Variants in SBF2 observed in about 807,000 individuals in gnomAD.
The protein encoded by SBF2 is myotubularin-related protein 13.
SBF2 carries 112 observed loss-of-function variants against 225.2 expected under a neutral mutation model. The observed-to-expected ratio is 0.50, with a 90% CI of 0.43 to 0.58. The LOEUF (loss-of-function observed/expected upper bound fraction) is 0.58, where lower values mean the gene tolerates loss of function less well. Among genes scored for constraint, SBF2 ranks in the 20% least tolerant of loss-of-function variants. The pLI is 0.00. For synonymous variants in SBF2, 763 were observed against 773.3 expected, an observed-to-expected ratio of 0.99 and a Z score of 0.22; for missense variants, 1,996 against 2,206.2, an observed-to-expected ratio of 0.90 and a Z score of 1.91.
rs370596037 is a variant in SBF2, at chr11:9,961,992, C to A, written c.1825G>T (p.Asp609Tyr). ...CAATTCATCATCCTTATTATGTAGT[C>A]AAACTGTTGATGGTCTAATATTGCC... ...NRAILDHQQF[D>Y]YIIRMMNCTL... The change falls in exon 16 of 40, where the codon GAC becomes TAC. Residue 609 changes from aspartate (D) to tyrosine (Y), a missense_variant. Asp to Tyr is a radical substitution (Grantham distance 160). Transcript: ENST00000256190. 2 of 1,613,856 alleles carry A rather than the reference C, an allele frequency of 1.2e-6. No individual in the cohort carries two copies. Among genetic ancestry groups the A allele is most frequent in the South Asian group, 1.1e-5 (1 of 91,088 alleles).
intron 21 of SBF2, 126 bp downstream of exon 21, chr11:9,852,550 A>G (rs528435586): frequency 5.3e-6 from 4 of 755,148 alleles, no homozygotes; most frequent in South Asian, 4.3e-5. Flanking sequence ...ACAGTTTAAC[A>G]TATCATTAAA....
At position 9,842,631 on chromosome 11, in the gene SBF2, C is replaced by A. The variant is rs1331366931; in HGVS notation, c.3250G>T (p.Val1084Leu). 1.2e-6 allele frequency: 2 copies of A among 1,613,912 alleles called. No homozygotes were observed. The highest frequency in any genetic ancestry group is 4.5e-5 in the East Asian group (2 of 44,872). The change falls in exon 25 of 40, where the codon GTA (valine) becomes TTA (leucine). Residue 1084 changes from valine (V) to leucine (L), a missense_variant. Transcript: ENST00000256190. ...NRPGWNEDDD[V>L]SVSDESELPT... ...AATTCAAGTTTTCACATACCAGATA[C>A]ATCATCATCTTCATTCCATCCAGGA...
Position 9,792,046 on chromosome 11 carries a change from A to C in SBF2, c.4571-1363T>G, listed in dbSNP as rs573748552. 3.3e-5 allele frequency among the ~76,000 whole-genome samples: 5 copies of C among 152,330 alleles called. No individual in the cohort carries two copies. In the East Asian group the frequency reaches 9.6e-4, roughly 29 times the overall value. ...CTAGTGCCAAATCCTATCAAATTAT[A>C]ACCCTATAATCCAGTATGTAATAAT... On this transcript the variant is annotated intron_variant, in intron 33 of 39. Transcript: ENST00000256190.
intron 1 of SBF2, among the ~76,000 whole-genome samples, chr11:10,214,391 A>T (rs1323059689): frequency 6.6e-6 from 1 of 152,172 alleles, no homozygotes; most frequent in African/African-American, 2.4e-5. Flanking sequence ...TTGGAGTCCG[A>T]GGCGGGCGGA....
chr11:10,166,192 T>C (rs1240045832), intron 2 of SBF2, among the ~76,000 whole-genome samples: 2 of 152,184 alleles, frequency 1.3e-5, no homozygotes, highest in Non-Finnish European at 2.9e-5. Context: ...TAAAATTAGA[T>C]GATCACTTGA....
chr11:10,118,688 C>T (rs1953283486), intron 2 of SBF2, among the ~76,000 whole-genome samples: 1 of 151,872 alleles, frequency 6.6e-6, no homozygotes, highest in Non-Finnish European at 1.5e-5. Flanking sequence ...TGTAATGTAC[C>T]TGTTCCCCCC....
intron 2 of SBF2, among the ~76,000 whole-genome samples, chr11:10,114,148 T>A (rs1391035135): frequency 6.6e-6 from 1 of 152,112 alleles, no homozygotes; most frequent in Non-Finnish European, 1.5e-5. Flanking sequence ...AACAGTACTT[T>A]CTCCCAAAGC....
intron 6 of SBF2, among the ~76,000 whole-genome samples, chr11:10,003,880 T>C (rs1368069674): frequency 6.6e-6 from 1 of 152,166 alleles, no homozygotes; most frequent in Non-Finnish European, 1.5e-5. Flanking sequence ...TATCTTTCTT[T>C]ATATCACTTC....
At chr11:9,839,861 T>C (rs769822532) in intron 25 of SBF2, among the ~76,000 whole-genome samples, 165 bp from the exon 26 acceptor site, 3 of 152,176 alleles carry the variant, frequency 2.0e-5, no homozygotes, top group Non-Finnish European at 2.9e-5. Flanking sequence ...GGGTAGTACC[T>C]GTGGGGAGCT....
At chr11:10,090,153 T>C (rs1019040480) in intron 2 of SBF2, among the ~76,000 whole-genome samples, 8 of 151,994 alleles carry the variant, frequency 5.3e-5, no homozygotes, top group East Asian at 1.9e-4. Context: ...AGACAGAAAA[T>C]AGAATGGTGA....
At chr11:9,992,677 T>A in intron 11 of SBF2, 134 bp from the exon 12 acceptor site, 1 of 844,894 alleles carries the variant, frequency 1.2e-6, no homozygotes, top group South Asian at 2.2e-5. Flanking sequence ...ATAAAATATA[T>A]TTCTCTCAAA....
At chr11:10,129,602 T>C (rs1484842080) in intron 2 of SBF2, among the ~76,000 whole-genome samples, 1 of 152,218 alleles carries the variant, frequency 6.6e-6, no homozygotes, top group Non-Finnish European at 1.5e-5. Flanking sequence ...CTAATAGGGT[T>C]TGTACACAGA....
At position 9,858,074 on chromosome 11, in the gene SBF2, T is replaced by G. The variant is rs1343512368; in HGVS notation, c.2100+152A>C. On this transcript the variant is annotated intron_variant, in intron 18 of 39. Coordinates refer to ENST00000256190, the MANE Select transcript of SBF2 (RefSeq NM_030962.4). Reference sequence around the variant, plus strand: ...TTATGGAAAAACATAATGTCTGAAATCAACAGAGGAAAGATATCACAGGGC... The same window carrying G: ...TTATGGAAAAACATAATGTCTGAAAGCAACAGAGGAAAGATATCACAGGGC... 3.7e-6 allele frequency: 3 copies of G among 803,508 alleles called. No homozygotes were observed. In the African/African-American group the frequency reaches 5.1e-5, roughly 14 times the overall value. The allele number at this position is 803,508 out of a possible 1,614,324, so 49.8% of individuals were successfully genotyped here.
At chr11:9,809,129 T>G in intron 30 of SBF2, 127 bp from the exon 31 acceptor site, 1 of 677,966 alleles carries the variant, frequency 1.5e-6, no homozygotes. Context: ...AAGAACCACA[T>G]AATGTTTTAA....
intron 2 of SBF2, among the ~76,000 whole-genome samples, chr11:10,153,804 A>T (rs558396031): frequency 4.6e-5 from 7 of 152,130 alleles, no homozygotes; most frequent in African/African-American, 1.7e-4. Context: ...ATAATTTTAG[A>T]GTTTACATTT....
At chr11:9,899,281 C>T (rs1861525383) in intron 16 of SBF2, among the ~76,000 whole-genome samples, 1 of 151,058 alleles carries the variant, frequency 6.6e-6, no homozygotes, top group Non-Finnish European at 1.5e-5. Context: ...ACTGCTTGAG[C>T]CCAGGAGTTT....
intron 2 of SBF2, among the ~76,000 whole-genome samples, chr11:10,154,699 T>A (rs965805322): frequency 6.6e-6 from 1 of 152,212 alleles, no homozygotes; most frequent in Non-Finnish European, 1.5e-5. Flanking sequence ...AAATGCTGTA[T>A]GTTTTTTATG....
Position 10,063,862 on chromosome 11 carries a change from G to C in SBF2, c.142-20881C>G, listed in dbSNP as rs868409634. Among the ~76,000 whole-genome samples the C allele has an allele frequency of 4.3e-3, 574 of 134,258 alleles. 6 individuals are homozygous for C. Among genetic ancestry groups the C allele is most frequent in the South Asian group, 6.2e-3 (25 of 4,058 alleles). 88.1% of individuals were successfully genotyped at this position (134,258 alleles called of 152,430 possible). ...ACACACACACACACACACACACAGA[G>C]AGAGAGAGAGAGAGAGAGAAAACGA... On this transcript the variant is annotated intron_variant, in intron 2 of 39. Coordinates refer to ENST00000256190, the MANE Select transcript of SBF2 (RefSeq NM_030962.4).
intron 6 of SBF2, among the ~76,000 whole-genome samples, chr11:10,020,615 T>G (rs1948815794): frequency 6.6e-6 from 1 of 152,192 alleles, no homozygotes; most frequent in Non-Finnish European, 1.5e-5. Flanking sequence ...TCACTCTGCC[T>G]TAGGCCCCTT....
Sources: gnomAD v4.1 joint callset for allele counts (sites outside exome capture counted in the v4.1 genomes callset) on GRCh38, gnomAD v4.1.1 for gene constraint, MANE v1.5 for transcripts, NCBI Gene and HGNC (gene_info 2026-07-23, HGNC 2026-07-21) for gene names.